Variants in SPATA31C2 observed in about 807,000 individuals in gnomAD.
SPATA31C2 encodes spermatogenesis-associated protein 31C2.
In SPATA31C2, 5 loss-of-function variants were observed where a neutral mutation model predicts 11.4. The ratio of observed to expected loss-of-function variants is 0.44; its 90% CI spans 0.23 to 0.92. The LOEUF is 0.92. Among genes scored for constraint, SPATA31C2 ranks in the 40% least tolerant of loss-of-function variants. SPATA31C2 has a pLI of 0.24. For missense variants in SPATA31C2, 1,353 were observed against 1,368.6 expected, an observed-to-expected ratio of 0.99 and a Z score of 0.18; for synonymous variants, 515 against 538.7, an observed-to-expected ratio of 0.96 and a Z score of 0.61.
chr9:88,134,458 C>G (rs576479200), intron 1 of SPATA31C2, among the ~76,000 whole-genome samples: 1 of 141,094 alleles, frequency 7.1e-6, no homozygotes, highest in Non-Finnish European at 1.5e-5. Context: ...ACAGAGACCT[C>G]CCCCGTCTCA....
intron 1 of SPATA31C2, 80 bp from the exon 2 acceptor site, chr9:88,133,749 T>A: frequency 4.8e-6 from 7 of 1,471,020 alleles, no homozygotes; most frequent in East Asian, 2.8e-5. Flanking sequence ...GCTGCACTCA[T>A]GAACCGCATG....
At chr9:88,134,555 C>T (rs1825654185) in intron 1 of SPATA31C2, among the ~76,000 whole-genome samples, 1 of 145,814 alleles carries the variant, frequency 6.9e-6, no homozygotes, top group South Asian at 2.3e-4. Flanking sequence ...TGCGCTCCCC[C>T]ACAGATGGAC....
At position 88,132,230 on chromosome 9, in the gene SPATA31C2, A is replaced by C; in HGVS notation, c.807T>G (p.Ser269=). The change falls in exon 4 of 4, where the codon TCT becomes TCG. Residue 269 remains serine (S), a synonymous_variant. Transcript: ENST00000324915. ...SLSPREDLAA[S]VPGISGLGGS... ...CGCCAAGGCCTGAGATGCCTGGGAC[A>C]GAAGCCGCCAAATCCTCACGTGGAG... 6.2e-7 allele frequency: 1 copy of C among 1,610,784 alleles called. No individual in the cohort carries two copies. The highest frequency in any genetic ancestry group is 8.5e-7 in the Non-Finnish European group (1 of 1,177,688).
rs1190356169 is a variant in SPATA31C2, at chr9:88,132,333, A to G, written c.704T>C (p.Leu235Pro). ...TGGTGTTAACAGAGTGGAGTCCCGC[A>G]GGGGAGGAGGAGTGAAGCCTTTCGG... ...PPPKGFTPPP[L>P]RDSTLLTPSH... Residue 235 changes from leucine to proline, a missense_variant, in exon 4 of 4, where the codon CTG becomes CCG. Leu to Pro is a moderately conservative substitution (Grantham distance 98, BLOSUM62 -3). Transcript: ENST00000324915. The G allele has an allele frequency of 1.9e-6, 3 of 1,610,958 alleles. No individual in the cohort carries two copies. Among genetic ancestry groups the G allele is most frequent in the South Asian group, 2.2e-5 (2 of 91,022 alleles).
chr9:88,133,355 C>T (rs1281291048), intron 2 of SPATA31C2, among the ~76,000 whole-genome samples: 5 of 67,270 alleles, frequency 7.4e-5, no homozygotes, highest in Admixed American at 3.3e-4. Context: ...CACCCCCCTC[C>T]GCATCCAGGC....
In SPATA31C2 at chr9:88,132,562, C is replaced by T; in HGVS notation, c.475G>A (p.Ala159Thr). Residue 159 changes from alanine (A) to threonine (T), a missense_variant, in exon 4 of 4, where the codon GCT becomes ACT. Ala to Thr is a moderately conservative substitution (Grantham distance 58). Coordinates refer to ENST00000324915, the MANE Select transcript of SPATA31C2 (RefSeq NM_001350978.3). ...TGCTTGGTTCGAGGATCCGGGGAAG[C>T]TAACGGGGAGACAATGGGAGCAGCG... ...EDAAPIVSPL[A>T]SPDPRTKHPQ... is the part of the protein sequence containing the mutation. 1 of 1,610,524 alleles carries T rather than the reference C, an allele frequency of 6.2e-7. No individual in the cohort carries two copies. Among genetic ancestry groups the T allele is most frequent in the Non-Finnish European group, 8.5e-7 (1 of 1,177,782 alleles).
Position 88,133,739 on chromosome 9 carries a change from G to A in SPATA31C2, c.190-70C>T, listed in dbSNP as rs147802329. ...TCTGCCCCCAGCCCAGCCGCAGCAC[G>A]CTGCACTCATGAACCGCATGGCTCT... On this transcript the variant is annotated intron_variant, in intron 1 of 3. Coordinates refer to ENST00000324915, the MANE Select transcript of SPATA31C2 (RefSeq NM_001350978.3). The A allele has an allele frequency of 9.1e-3, 14,488 of 1,591,238 alleles. 434 individuals carry two copies. The Admixed American group carries it at 0.1, about 11-fold the overall frequency.
In SPATA31C2 at chr9:88,131,025, C is replaced by T. The variant is rs1825582011; in HGVS notation, c.2012G>A (p.Cys671Tyr). 1.2e-6 allele frequency: 2 copies of T among 1,612,068 alleles called. No homozygotes were observed. The highest frequency in any genetic ancestry group is 1.7e-6 in the Non-Finnish European group (2 of 1,179,864). ...GGATGAAACCTTTTCCAGTTGAAAG[C>T]ACTGAATGGGCTTGAGGACCCTGAG... The part of the protein sequence containing the change: ...LPLRVLKPIQ[C>Y]FQLEKVSSLS... Residue 671 changes from cysteine to tyrosine, a missense_variant, in exon 4 of 4, where the codon TGC becomes TAC. By Grantham distance (194) the Cys-to-Tyr change is radical (BLOSUM62 -2). Around this residue, in one of 6 missense-constraint regions of SPATA31C2, gnomAD observed 1,075 missense variants for 992.8 expected, o/e 1.08. Coordinates refer to ENST00000324915, the MANE Select transcript of SPATA31C2 (RefSeq NM_001350978.3).
At chr9:88,136,832 CCCT>C (rs1379934908) in intron 1 of SPATA31C2, among the ~76,000 whole-genome samples, 3 of 128,436 alleles carry the variant, frequency 2.3e-5, no homozygotes, top group Admixed American at 1.8e-4. Flanking sequence ...TAGCCAGATT[CCCT>C]CCTATTAGTA....
chr9:88,133,628 C>T lies in SPATA31C2; in HGVS notation c.231G>A (p.Arg77=). 1 of 1,582,828 alleles carries T rather than the reference C, an allele frequency of 6.3e-7. No individual in the cohort carries two copies. Among genetic ancestry groups the T allele is most frequent in the South Asian group, 1.1e-5 (1 of 90,464 alleles). Reference sequence around the variant, plus strand: ...TGTGGTTTTTCATCCTGCCTCTGGGCCTCCCCCTCCGCCCTGCTGGACGCT... The same window carrying T: ...TGTGGTTTTTCATCCTGCCTCTGGGTCTCCCCCTCCGCCCTGCTGGACGCT... ...VSQRPAGRRG[R]PRGRMKNHSL... Residue 77 remains arginine (R), a synonymous_variant, in exon 2 of 4, where the codon AGG becomes AGA. Transcript: ENST00000324915.
At position 88,130,334 on chromosome 9, in the gene SPATA31C2, C is replaced by T. The variant is rs1368303348; in HGVS notation, c.2703G>A (p.Gln901=). ...ASENLASQVP[Q]GHLQSMPTGN... ...CAGTAGGCATGCTCTGGAGATGGCC[C>T]TGGGGCACTTGAGAAGCCAAATTCT... The change falls in exon 4 of 4, where the codon CAG becomes CAA. Residue 901 remains glutamine (Q), a synonymous_variant. Transcript: ENST00000324915. 4 of 1,610,024 alleles carry T rather than the reference C, an allele frequency of 2.5e-6. No homozygotes were observed. Among genetic ancestry groups the T allele is most frequent in the African/African-American group, 1.3e-5 (1 of 74,864 alleles).
chr9:88,134,451 G>A (rs185334619), intron 1 of SPATA31C2, among the ~76,000 whole-genome samples: 2 of 141,964 alleles, frequency 1.4e-5, no homozygotes, highest in East Asian at 6.0e-4. Context: ...GCCTCGGACA[G>A]AGACCTCCCC....
intron 3 of SPATA31C2, 127 bp downstream of exon 3, chr9:88,132,839 C>G: frequency 7.8e-7 from 1 of 1,287,320 alleles, no homozygotes; most frequent in African/African-American, 2.0e-5. Context: ...ACCCCTCGCC[C>G]CAGGGCTTTA....
rs940481492 is a variant in SPATA31C2, at chr9:88,129,910, A to T, written c.3127T>A (p.Ser1043Thr). 2 of 1,606,688 alleles carry T rather than the reference A, an allele frequency of 1.2e-6. No individual in the cohort carries two copies. Among genetic ancestry groups the T allele is most frequent in the Non-Finnish European group, 1.7e-6 (2 of 1,175,256 alleles). The change falls in exon 4 of 4, where the codon TCA (serine) becomes ACA (threonine). Residue 1043 changes from serine (S) to threonine (T), a missense_variant. Physicochemically the swap from Ser to Thr is moderately conservative, Grantham distance 58. Coordinates refer to ENST00000324915, the MANE Select transcript of SPATA31C2 (RefSeq NM_001350978.3). ...TCAGCACTGCTGCCGTACACGCATG[A>T]TCTGTTTTTTACTGTTTTTTGGCTC... is the stretch of plus-strand genomic sequence containing the variant. ...AESQKTVKNR[S>T]CVYGSSAEAE...
rs769666052 is a variant in SPATA31C2 at position 88,131,793 on chromosome 9, C to A, written c.1244G>T (p.Arg415Met). The A allele has an allele frequency of 1.9e-6, 3 of 1,611,604 alleles. No homozygotes were observed. Among genetic ancestry groups the A allele is most frequent in the Non-Finnish European group, 1.7e-6 (2 of 1,179,632 alleles). ...QLEGGLALPS[R>M]VQKSQDVFSV... ...AAAGACGTCCTGAGATTTTTGGACC[C>A]TAGAGGGTAAAGCCAACCCACCTTC... is the stretch of plus-strand genomic sequence containing the variant. Residue 415 changes from arginine (R) to methionine (M), a missense_variant, in exon 4 of 4, where the codon AGG (arginine) becomes ATG (methionine). By Grantham distance (91) the Arg-to-Met change is moderately conservative (BLOSUM62 -1). Transcript: ENST00000324915.
At position 88,130,378 on chromosome 9, in the gene SPATA31C2, C is replaced by G; in HGVS notation, c.2659G>C (p.Val887Leu). ...VVLLPDGQAS[V>L]VPHASENLAS... is the part of the protein sequence containing the mutation. ...AAATTCTCTGAAGCATGGGGCACAA[C>G]AGATGCTTGCCCATCTGGAAGGAGC... Residue 887 changes from valine to leucine, a missense_variant, in exon 4 of 4, where the codon GTT becomes CTT. By Grantham distance (32) the Val-to-Leu change is conservative. Coordinates refer to ENST00000324915, the MANE Select transcript of SPATA31C2 (RefSeq NM_001350978.3). The G allele has an allele frequency of 7.4e-6, 12 of 1,611,090 alleles. No individual in the cohort carries two copies. Among genetic ancestry groups the G allele is most frequent in the Non-Finnish European group, 1.0e-5 (12 of 1,179,400 alleles).
chr9:88,132,812 C>T lies in SPATA31C2; in HGVS notation c.327-102G>A, dbSNP rs1825624653. On this transcript the variant is annotated intron_variant, in intron 3 of 3. Transcript: ENST00000324915. ...CCCCTCCACCACGCCACACCCTGACCACCCAATTCTCCTGCTACCCCTCGC... is the reference window on the plus strand; with the variant it reads ...CCCCTCCACCACGCCACACCCTGACTACCCAATTCTCCTGCTACCCCTCGC... The T allele has an allele frequency of 3.9e-6, 5 of 1,271,860 alleles. 1 individual carries two copies. In the East Asian group the frequency reaches 1.3e-4, roughly 33 times the overall value. 78.8% of individuals were successfully genotyped at this position (1,271,860 alleles called of 1,614,324 possible).
chr9:88,133,820 T>C (rs552744166), intron 1 of SPATA31C2, among the ~76,000 whole-genome samples, 151 bp from the exon 2 acceptor site: 1 of 152,162 alleles, frequency 6.6e-6, no homozygotes, highest in East Asian at 1.9e-4. Context: ...CATGTTTAAA[T>C]GGATGATAAA....
In SPATA31C2 at chr9:88,132,265, G is replaced by A. The variant is rs1176229601; in HGVS notation, c.772C>T (p.Gln258Ter). 6.2e-7 allele frequency: 1 copy of A among 1,610,832 alleles called. No homozygotes were observed. The highest frequency in any genetic ancestry group is 8.5e-7 in the Non-Finnish European group (1 of 1,177,732). The change falls in exon 4 of 4, where the codon CAA becomes TAA. Residue 258 changes from glutamine to a stop codon, truncating the protein, a stop_gained. Coordinates refer to ENST00000324915, the MANE Select transcript of SPATA31C2 (RefSeq NM_001350978.3). LOFTEE classifies it low-confidence loss of function (END_TRUNC). ...AAATCCTCACGTGGAGACAAGCTTT[G>A]AGGGACGGTGTCCAGTGGAAGTGCC... Reference protein sequence around the residue: ...SVALPLDTVPQSLSPREDLAA... With the variant: ...SVALPLDTVP
Sources: gnomAD v4.1 joint callset for allele counts (sites outside exome capture counted in the v4.1 genomes callset) on GRCh38, gnomAD v4.1.1 for gene constraint, gnomAD v4.1.1 regional missense constraint, MANE v1.5 for transcripts, NCBI Gene and HGNC (gene_info 2026-07-23, HGNC 2026-07-21) for gene names.